NBPF10: variants seen among roughly 807,000 people sequenced by gnomAD.
The protein encoded by NBPF10 is NBPF family member NBPF10.
In NBPF10, 63 loss-of-function variants were observed where a neutral mutation model predicts 77.9. The observed-to-expected ratio is 0.81, with a 90% CI of 0.66 to 1.00. The LOEUF (loss-of-function observed/expected upper bound fraction) is 1.00, where lower values mean the gene tolerates loss of function less well. NBPF10 is among the 50% of genes least tolerant of loss of function. NBPF10 has a pLI of 0.00. For missense variants in NBPF10, 522 were observed against 679.8 expected (o/e 0.77, Z 2.58); for synonymous variants, 146 against 264.5 (o/e 0.55, Z 4.35).
chr1:146,123,475 G>GACACACAC (rs879248132), intron 17 of NBPF10, among the ~76,000 whole-genome samples, 197 bp from the exon 18 acceptor site: 16 of 33,642 alleles, frequency 4.8e-4, no homozygotes, highest in Admixed American at 8.7e-4. Flanking sequence ...AAGACAGATA[G>GACACACAC]ACACACACAC....
exon 89 of NBPF10, chr1:146,067,190 G>C (rs782079552): frequency 9.7e-6 from 6 of 617,472 alleles, no homozygotes; most frequent in African/African-American, 1.8e-5. Context: ...CTGGGGCATG[G>C]TGGGTTTTGA....
intron 14 of NBPF10, among the ~76,000 whole-genome samples, chr1:146,125,933 C>G (rs1658559900): frequency 6.6e-6 from 1 of 151,596 alleles, no homozygotes; most frequent in African/African-American, 2.4e-5. Context: ...TCTACAAGAT[C>G]TACAAAATTT....
rs782545395 is a variant in NBPF10 at position 146,126,223 on chromosome 1, G to A, written c.2026+13C>T. ...TCAGTGGATCCTTATCACCTTCATA[G>A]AAAGGTACTCACCATCCATGTCAAT... On this transcript the variant is annotated intron_variant, in intron 14 of 89. Transcript: ENST00000583866. 5 of 1,574,334 alleles carry A rather than the reference G, an allele frequency of 3.2e-6. No homozygotes were observed. Among genetic ancestry groups the A allele is most frequent in the Non-Finnish European group, 4.4e-6 (5 of 1,146,324 alleles).
chr1:146,139,393 C>T (rs587673134), intron 5 of NBPF10, among the ~76,000 whole-genome samples: 1 of 151,834 alleles, frequency 6.6e-6, no homozygotes, highest in African/African-American at 2.4e-5. Context: ...ACAGGTGTGA[C>T]CCACTGCGCC....
rs1553789431 is a variant in NBPF10, at chr1:146,125,446, C to G, written c.2078+19G>C. 2.6e-6 allele frequency: 1 copy of G among 382,138 alleles called. No individual in the cohort carries two copies. Among genetic ancestry groups the G allele is most frequent in the Non-Finnish European group, 4.5e-6 (1 of 220,040 alleles). 23.7% of individuals were successfully genotyped at this position (382,138 alleles called of 1,614,324 possible). A position where few individuals can be genotyped will look rare whatever the true frequency, so the allele number is the denominator to read the frequency against. On this transcript the variant is annotated intron_variant, in intron 15 of 89. Transcript: ENST00000583866. ...AGGTGTCAACACAGAATTAAGCATCCATAATTGCTCAAAGTTACCTGGGGC... is the reference window on the plus strand; with the variant it reads ...AGGTGTCAACACAGAATTAAGCATCGATAATTGCTCAAAGTTACCTGGGGC...
At chr1:146,067,907 C>T (rs1228470762) in intron 88 of NBPF10, 96 bp downstream of exon 88, 32 of 704,852 alleles carry the variant, frequency 4.5e-5, no homozygotes, top group African/African-American at 7.2e-5. Flanking sequence ...GCGGCAATGA[C>T]GTCTCTCGGG....
chr1:146,139,088 CTTACTTTTTTTT>C (rs1660007680), intron 5 of NBPF10, among the ~76,000 whole-genome samples: 2 of 108,740 alleles, frequency 1.8e-5, no homozygotes, highest in African/African-American at 6.2e-5. Context: ...TGGTCAGAGA[CTTACTTTTTTTT>C]TTTTTTTTTT....
chr1:146,141,959 G>T (rs1329167830), intron 2 of NBPF10, 141 bp from the exon 3 acceptor site: 7 of 660,128 alleles, frequency 1.1e-5, no homozygotes, highest in African/African-American at 8.6e-5. Flanking sequence ...GAATGACTGT[G>T]GCCAAGAGAA....
exon 88 of NBPF10, chr1:146,068,065 G>A (rs1553778517): frequency 7.3e-6 from 4 of 547,818 alleles, no homozygotes; most frequent in African/African-American, 3.5e-5. Flanking sequence ...ACTGCTGTAG[G>A]GCTGGCCTAA....
At chr1:146,128,011 C>G (rs1262497111) in intron 12 of NBPF10, 108 bp downstream of exon 12, 1 of 1,446,138 alleles carries the variant, frequency 6.9e-7, no homozygotes, top group African/African-American at 1.4e-5. Context: ...AGGTTCAGCC[C>G]ACGGTGATGG....
chr1:146,066,620 C>A (rs1655084326), intron 89 of NBPF10, 59 bp from the exon 90 acceptor site: 1 of 528,244 alleles, frequency 1.9e-6, no homozygotes, highest in Non-Finnish European at 3.3e-6. Flanking sequence ...CACAGAGCCC[C>A]AGCTAGATTT....
chr1:146,069,476 C>A, intron 86 of NBPF10, 67 bp downstream of exon 86: 9 of 640,086 alleles, frequency 1.4e-5, no homozygotes, highest in Admixed American at 1.2e-4. Flanking sequence ...GGGCCACTTG[C>A]AGTAGGAATA....
chr1:146,069,746 C>A (rs781797156), intron 85 of NBPF10, 31 bp from the exon 86 acceptor site: 5 of 640,656 alleles, frequency 7.8e-6, no homozygotes, highest in East Asian at 2.7e-5. Context: ...AAAGAATAAG[C>A]CAGGGGGAAT....
Position 146,142,738 on chromosome 1 carries a change from TAC to T in NBPF10, c.188_189del (p.Cys63Ter), listed in dbSNP as rs1553797932. On this transcript the variant is annotated frameshift_variant, in exon 2 of 90. Coordinates refer to ENST00000583866, the Ensembl canonical transcript of NBPF10. LOFTEE classifies it high-confidence loss of function. ...CTCAGCATAAATTTTATGAGGTCTT[TAC>T]ACTCTTCATACTCTGAAAAAAGACA... 7.4e-7 allele frequency: 1 copy of T among 1,357,250 alleles called. No homozygotes were observed. Among genetic ancestry groups the T allele is most frequent in the African/African-American group, 1.4e-5 (1 of 72,110 alleles). 84.1% of individuals were successfully genotyped at this position (1,357,250 alleles called of 1,614,324 possible).
chr1:146,139,145 G>T (rs1168901824), intron 5 of NBPF10, among the ~76,000 whole-genome samples: 3 of 141,376 alleles, frequency 2.1e-5, no homozygotes, highest in Non-Finnish European at 4.7e-5. Flanking sequence ...TGTCTCCCAG[G>T]CTGGAGTGCA....
At chr1:146,067,109 T>G (rs1553777780) in intron 89 of NBPF10, 71 bp downstream of exon 89, 2 of 624,274 alleles carry the variant, frequency 3.2e-6, no homozygotes, top group Non-Finnish European at 5.9e-6. Context: ...TCAAACACAC[T>G]CTGGTTTCCC....
chr1:146,066,279 GC>G (rs782392720), exon 90 of NBPF10: 3 of 578,108 alleles, frequency 5.2e-6, no homozygotes, highest in Non-Finnish European at 9.1e-6. Context: ...TATAGGTCCT[GC>G]CTGCAGGAAT....
At chr1:146,069,396 C>T (rs1553779255) in intron 86 of NBPF10, 147 bp downstream of exon 86, 2 of 481,446 alleles carry the variant, frequency 4.2e-6, no homozygotes, top group South Asian at 4.0e-5. Flanking sequence ...CCAAGTGGAA[C>T]TAGAGTTTCA....
Position 146,080,780 on chromosome 1 carries a change from G to A in NBPF10, c.8892-3C>T. On this transcript the variant is annotated splice_polypyrimidine_tract_variant and splice_region_variant and intron_variant, in intron 71 of 89. Transcript: ENST00000583866. ...CCTCCAGCAGCTCCCTGCTGAGCCT[G>A]GAAAAGGAGGAAAAAGTAAAGAATA... 5.1e-5 allele frequency: 1 copy of A among 19,676 alleles called. No homozygotes were observed. The highest frequency in any genetic ancestry group is 1.5e-4 in the Non-Finnish European group (1 of 6,832). The allele number at this position is 19,676 out of a possible 1,614,324, so 1.2% of individuals were successfully genotyped here. A position where few individuals can be genotyped will look rare whatever the true frequency, so the allele number is the denominator to read the frequency against.
Sources: allele counts gnomAD v4.1 joint callset (sites outside exome capture counted in the v4.1 genomes callset), GRCh38; gene constraint gnomAD v4.1.1; transcripts MANE v1.5; gene names NCBI Gene and HGNC (gene_info 2026-07-23, HGNC 2026-07-21).